The following SLC16A7 variants were observed in gnomAD, a reference collection of about 807,000 sequenced individuals.
SLC16A7 encodes the protein monocarboxylate transporter 2.
SLC16A7 carries 33 observed loss-of-function variants against 34.9 expected under a neutral mutation model. That is an observed-to-expected ratio of 0.94 (90% CI 0.72 to 1.26). The LOEUF (loss-of-function observed/expected upper bound fraction) is 1.26. SLC16A7 is among the 50% of genes most tolerant of loss of function. SLC16A7 has a pLI of 0.00. For synonymous variants in SLC16A7, 201 were observed against 206.6 expected, an observed-to-expected ratio of 0.97 and a Z score of 0.23; for missense variants, 573 against 578.1, an observed-to-expected ratio of 0.99 and a Z score of 0.09.
rs1024803752 is a variant in SLC16A7, at chr12:59,624,762, G to T, written c.-130+28526G>T. On this transcript the variant is annotated intron_variant, in intron 1 of 5. Transcript: ENST00000547379. Reference sequence around the variant, plus strand: ...GTTGTGTGTGTGTGTGTGTGTGTGTGTGTGTGTGTGTCTATCTATATGTGT... The same window carrying T: ...GTTGTGTGTGTGTGTGTGTGTGTGTTTGTGTGTGTGTCTATCTATATGTGT... Among the ~76,000 whole-genome samples, 8 of 151,680 alleles carry T rather than the reference G, an allele frequency of 5.3e-5. No homozygotes were observed. In the East Asian group the frequency reaches 1.6e-3, roughly 30 times the overall value.
At chr12:59,703,485 C>A (rs1042167124) in intron 2 of SLC16A7, among the ~76,000 whole-genome samples, 1 of 151,736 alleles carries the variant, frequency 6.6e-6, no homozygotes, top group Non-Finnish European at 1.5e-5. Context: ...TATAAAAAAG[C>A]TAATTTTTTG....
chr12:59,744,254 A>C (rs1381559969), intron 3 of SLC16A7, among the ~76,000 whole-genome samples: 1 of 151,688 alleles, frequency 6.6e-6, no homozygotes, highest in Non-Finnish European at 1.5e-5. Flanking sequence ...CCCCCCACCC[A>C]GCACCCCCAT....
At chr12:59,676,486 A>G (rs1349897989) in intron 2 of SLC16A7, among the ~76,000 whole-genome samples, 1 of 152,032 alleles carries the variant, frequency 6.6e-6, no homozygotes, top group Non-Finnish European at 1.5e-5. Context: ...TCTATTCAGT[A>G]ATAATGGATT....
At chr12:59,606,178 T>C (rs527522928) in intron 1 of SLC16A7, among the ~76,000 whole-genome samples, 1 of 152,294 alleles carries the variant, frequency 6.6e-6, no homozygotes, top group South Asian at 2.1e-4. Flanking sequence ...TAAAATAATG[T>C]GGATCTTTTC....
intron 2 of SLC16A7, among the ~76,000 whole-genome samples, chr12:59,671,940 T>C (rs1400638997): frequency 8.4e-5 from 2 of 23,698 alleles, no homozygotes; most frequent in Non-Finnish European, 1.7e-4. Flanking sequence ...CATATATGTA[T>C]ATATGTGTAT....
chr12:59,694,100 A>T (rs929777876), intron 2 of SLC16A7, among the ~76,000 whole-genome samples: 1 of 151,996 alleles, frequency 6.6e-6, no homozygotes, highest in Non-Finnish European at 1.5e-5. Context: ...ATCATAAATC[A>T]TATGGCATGT....
intron 3 of SLC16A7, among the ~76,000 whole-genome samples, chr12:59,751,398 C>G (rs1036423473): frequency 6.6e-6 from 1 of 152,228 alleles, no homozygotes; most frequent in Non-Finnish European, 1.5e-5. Flanking sequence ...TCACTCCCAC[C>G]CCAATACTGC....
At chr12:59,673,347 G>T (rs761986673) in intron 2 of SLC16A7, among the ~76,000 whole-genome samples, 26 of 152,074 alleles carry the variant, frequency 1.7e-4, no homozygotes, top group Admixed American at 5.2e-4. Context: ...TCTTGAAGTT[G>T]ATTCTAAAAT....
intron 1 of SLC16A7, among the ~76,000 whole-genome samples, chr12:59,635,259 G>T (rs761798874): frequency 6.6e-6 from 1 of 151,994 alleles, no homozygotes; most frequent in South Asian, 2.1e-4. Flanking sequence ...TAATTGGAAA[G>T]TTCTCTGCTA....
intron 2 of SLC16A7, among the ~76,000 whole-genome samples, chr12:59,673,377 A>G (rs1248830911): frequency 1.3e-5 from 2 of 152,132 alleles, no homozygotes; most frequent in African/African-American, 2.4e-5. Flanking sequence ...AGAATGTGCC[A>G]TAACATAGAA....
At chr12:59,682,997 C>T (rs1047502040) in intron 2 of SLC16A7, among the ~76,000 whole-genome samples, 3 of 151,666 alleles carry the variant, frequency 2.0e-5, no homozygotes, top group Non-Finnish European at 2.9e-5. Context: ...ACCTGGGAGG[C>T]GGAGGATGCG....
At chr12:59,666,692 C>A (rs764389828) in intron 2 of SLC16A7, among the ~76,000 whole-genome samples, 3 of 152,178 alleles carry the variant, frequency 2.0e-5, no homozygotes, top group Non-Finnish European at 4.4e-5. Flanking sequence ...TGCCTTCCAC[C>A]ATGATTGTGA....
intron 1 of SLC16A7, among the ~76,000 whole-genome samples, chr12:59,618,359 C>T (rs999830180): frequency 1.3e-5 from 2 of 151,810 alleles, no homozygotes; most frequent in South Asian, 2.1e-4. Context: ...TCTATGTTTC[C>T]ATATAATCTC....
intron 1 of SLC16A7, among the ~76,000 whole-genome samples, chr12:59,635,864 A>T (rs918539414): frequency 1.3e-5 from 2 of 152,020 alleles, no homozygotes; most frequent in African/African-American, 4.8e-5. Context: ...TTCTTTATGT[A>T]TGTTAATAAT....
chr12:59,746,533 G>A (rs1164622277), intron 3 of SLC16A7, among the ~76,000 whole-genome samples: 1 of 152,148 alleles, frequency 6.6e-6, no homozygotes, highest in Non-Finnish European at 1.5e-5. Flanking sequence ...AGTGAGATGA[G>A]AAGATGGCTT....
chr12:59,685,452 A>C (rs1423735186), intron 2 of SLC16A7, among the ~76,000 whole-genome samples: 1 of 152,116 alleles, frequency 6.6e-6, no homozygotes, highest in Admixed American at 6.5e-5. Context: ...AATAGACCTC[A>C]CTGTTATAAA....
intron 3 of SLC16A7, among the ~76,000 whole-genome samples, chr12:59,742,961 A>G (rs934602659): frequency 1.3e-5 from 2 of 152,228 alleles, no homozygotes; most frequent in African/African-American, 4.8e-5. Context: ...AATTGCATGC[A>G]TCTGTAAATT....
chr12:59,631,770 T>C (rs1880193635), intron 1 of SLC16A7, among the ~76,000 whole-genome samples: 1 of 151,978 alleles, frequency 6.6e-6, no homozygotes, highest in Admixed American at 6.6e-5. Flanking sequence ...AGTGAGAACA[T>C]GCAGTCTTTG....
intron 3 of SLC16A7, among the ~76,000 whole-genome samples, chr12:59,746,937 A>G (rs1592628861): frequency 1.3e-5 from 2 of 152,128 alleles, no homozygotes; most frequent in African/African-American, 2.4e-5. Flanking sequence ...AGCTCAGGCA[A>G]TCCTCCTGCC....
Sources: allele counts gnomAD v4.1 joint callset (sites outside exome capture counted in the v4.1 genomes callset), GRCh38; gene constraint gnomAD v4.1.1; transcripts MANE v1.5; gene names NCBI Gene and HGNC (gene_info 2026-07-23, HGNC 2026-07-21).